COQ8A: variants seen among roughly 807,000 people sequenced by gnomAD.
The protein encoded by COQ8A is atypical kinase COQ8A, mitochondrial.
A neutral mutation model predicts 65.0 loss-of-function variants in COQ8A; 51 were observed. The observed-to-expected ratio is 0.78, with a 90% CI of 0.63 to 0.99. The LOEUF (loss-of-function observed/expected upper bound fraction) is 0.99. COQ8A is among the 50% of genes least tolerant of loss of function. The pLI, the probability that COQ8A is intolerant of heterozygous loss-of-function variation, is 0.00. For synonymous variants in COQ8A, 371 were observed against 353.2 expected, an observed-to-expected ratio of 1.05 and a Z score of -0.57; for missense variants, 940 against 875.0, an observed-to-expected ratio of 1.07 and a Z score of -0.94.
At chr1:226,982,791 T>A in intron 7 of COQ8A, 28 bp downstream of exon 7, 1 of 1,613,256 alleles carries the variant, frequency 6.2e-7, no homozygotes, top group South Asian at 1.1e-5. Flanking sequence ...CTGCCCACTC[T>A]CTGTGGCCTC....
chr1:226,971,755 C>A (rs1475396167), intron 4 of COQ8A, among the ~76,000 whole-genome samples: 7 of 151,992 alleles, frequency 4.6e-5, no homozygotes, highest in South Asian at 2.1e-4. Flanking sequence ...TGTCTTATTT[C>A]TTTTCTCTGG....
intron 1 of COQ8A, among the ~76,000 whole-genome samples, chr1:226,941,478 C>T (rs1177193620): frequency 6.6e-6 from 1 of 152,090 alleles, no homozygotes; most frequent in African/African-American, 2.4e-5. Context: ...ATCTGTAAGA[C>T]TCAGGCGGCT....
At chr1:226,944,692 TGAGAGAGAGAGAGAGAGA>T (rs1174520293) in intron 1 of COQ8A, among the ~76,000 whole-genome samples, 68 of 86,700 alleles carry the variant, frequency 7.8e-4, no homozygotes, top group South Asian at 1.7e-3. Context: ...AGTTGTACCC[TGAGAGAGAGAGAGAGAGA>T]GAGAGAGAGA....
chr1:226,977,985 CCA>C (rs759692626), intron 5 of COQ8A, among the ~76,000 whole-genome samples: 2 of 150,354 alleles, frequency 1.3e-5, no homozygotes, highest in Non-Finnish European at 3.0e-5. Flanking sequence ...CACTGAACAC[CCA>C]CACACCTCCT....
At chr1:226,957,543 G>A (rs1657881853) in intron 1 of COQ8A, among the ~76,000 whole-genome samples, 1 of 152,146 alleles carries the variant, frequency 6.6e-6, no homozygotes, top group Non-Finnish European at 1.5e-5. Context: ...CTGGCCTGCT[G>A]TCATAGAGGA....
intron 13 of COQ8A, 26 bp from the exon 14 acceptor site, chr1:226,985,222 TGCCCAC>T: frequency 6.2e-7 from 1 of 1,608,734 alleles, no homozygotes; most frequent in Non-Finnish European, 8.5e-7. Flanking sequence ...CTTTTCATGC[TGCCCAC>T]GGTCCCCTCC....
intron 1 of COQ8A, among the ~76,000 whole-genome samples, chr1:226,957,241 C>G (rs571614916): frequency 1.3e-5 from 2 of 149,508 alleles, no homozygotes; most frequent in Admixed American, 6.7e-5. Flanking sequence ...CTAGTTCACA[C>G]TCTCCCTGGC....
At chr1:226,947,806 T>A (rs879616176) in intron 1 of COQ8A, among the ~76,000 whole-genome samples, 3,495 of 150,732 alleles carry the variant, frequency 0.023, 94 homozygotes, top group East Asian at 0.063. Flanking sequence ...AAAAAATATA[T>A]ATATATATAT....
chr1:226,958,963 A>G (rs1285306810), intron 1 of COQ8A, among the ~76,000 whole-genome samples: 3 of 152,136 alleles, frequency 2.0e-5, no homozygotes, highest in Non-Finnish European at 2.9e-5. Context: ...TAACTTGTGT[A>G]TTACATGGTT....
At chr1:226,952,766 G>A (rs1049003412) in intron 1 of COQ8A, among the ~76,000 whole-genome samples, 3 of 151,974 alleles carry the variant, frequency 2.0e-5, no homozygotes, top group African/African-American at 7.3e-5. Flanking sequence ...CATGTTCTTT[G>A]TAGAATATTT....
chr1:226,974,127 T>G (rs1659053620), intron 4 of COQ8A, among the ~76,000 whole-genome samples: 1 of 152,208 alleles, frequency 6.6e-6, no homozygotes, highest in Non-Finnish European at 1.5e-5. Flanking sequence ...GGGCCCTGTT[T>G]GGCTCTGATG....
chr1:226,954,887 T>C (rs1240749993), intron 1 of COQ8A, among the ~76,000 whole-genome samples: 2 of 152,104 alleles, frequency 1.3e-5, no homozygotes, highest in Non-Finnish European at 2.9e-5. Context: ...ACTGCTGTGC[T>C]GGAGGGGATG....
At chr1:226,970,850 T>G (rs1372518145) in intron 4 of COQ8A, among the ~76,000 whole-genome samples, 1 of 152,206 alleles carries the variant, frequency 6.6e-6, no homozygotes, top group African/African-American at 2.4e-5. Flanking sequence ...TATAATTTTA[T>G]TTGGTATAAT....
chr1:226,983,377 G>A, intron 8 of COQ8A, 175 bp from the exon 9 acceptor site: 3 of 705,184 alleles, frequency 4.3e-6, no homozygotes, highest in East Asian at 5.4e-5. Context: ...TGGACAACGA[G>A]GCTGTGATGG....
At chr1:226,947,076 C>T (rs971407384) in intron 1 of COQ8A, among the ~76,000 whole-genome samples, 2 of 152,228 alleles carry the variant, frequency 1.3e-5, no homozygotes, top group African/African-American at 4.8e-5. Context: ...TTTGAGAGCC[C>T]AGCTGGCCCC....
At position 226,982,914 on chromosome 1, in the gene COQ8A, G is replaced by C; in HGVS notation, c.960G>C (p.Leu320=). The change falls in exon 8 of 15, where the codon CTG becomes CTC. Residue 320 remains leucine, a synonymous_variant. Coordinates refer to ENST00000366777, the MANE Select transcript of COQ8A (RefSeq NM_020247.5). ...KQMMKTLNND[L]GPNWRDKLEY... is the part of the protein sequence containing the mutation. ...TTCAGAAAACTCTCAACAACGACCT[G>C]GGCCCCAACTGGCGGGACAAGTTGG... is the stretch of plus-strand genomic sequence containing the variant. The C allele has an allele frequency of 6.2e-7, 1 of 1,612,660 alleles. No homozygotes were observed. The highest frequency in any genetic ancestry group is 8.5e-7 in the Non-Finnish European group (1 of 1,179,796).
chr1:226,977,379 C>T (rs1659302998), intron 4 of COQ8A, 70 bp from the exon 5 acceptor site: 5 of 1,472,360 alleles, frequency 3.4e-6, no homozygotes, highest in Non-Finnish European at 4.6e-6. Flanking sequence ...TGCCCCAGGC[C>T]TTGTGGGTGG....
chr1:226,948,994 A>T (rs1336317170), intron 1 of COQ8A, among the ~76,000 whole-genome samples: 1 of 152,140 alleles, frequency 6.6e-6, no homozygotes, highest in Admixed American at 6.5e-5. Flanking sequence ...AGGAGAGGAA[A>T]CAGGTCAGAG....
rs975008867 is a variant in COQ8A, at chr1:226,983,743, C to G, written c.1163-18C>G. 3.1e-6 allele frequency: 5 copies of G among 1,612,976 alleles called. No homozygotes were observed. Among genetic ancestry groups the G allele is most frequent in the Non-Finnish European group, 4.2e-6 (5 of 1,179,846 alleles). ...TGCAGAGCCCCCTTCCTCGCTGATG[C>G]CCTCCTCCCTGGCCCAGGCCTGTTC... On this transcript the variant is annotated intron_variant, in intron 9 of 14. Transcript: ENST00000366777.
Sources: allele counts gnomAD v4.1 joint callset (sites outside exome capture counted in the v4.1 genomes callset), GRCh38; gene constraint gnomAD v4.1.1; transcripts MANE v1.5; gene names NCBI Gene and HGNC (gene_info 2026-07-23, HGNC 2026-07-21).